Variants in ZBTB16 observed in about 807,000 individuals in gnomAD.
The protein encoded by ZBTB16 is zinc finger and BTB domain-containing protein 16.
In ZBTB16, 8 loss-of-function variants were observed where a neutral mutation model predicts 56.8. The observed-to-expected ratio is 0.14, with a 90% confidence interval of 0.08 to 0.25. The LOEUF (loss-of-function observed/expected upper bound fraction) is 0.25, where lower values mean the gene tolerates loss of function less well. ZBTB16 is among the 10% of genes least tolerant of loss of function. ZBTB16 has a pLI of 1.00. For synonymous variants in ZBTB16, 363 were observed against 368.5 expected (o/e 0.98, Z 0.17); for missense variants, 625 against 903.0 (o/e 0.69, Z 3.95).
At chr11:114,073,857 T>C (rs1296520112) in intron 2 of ZBTB16, among the ~76,000 whole-genome samples, 1 of 152,164 alleles carries the variant, frequency 6.6e-6, no homozygotes, top group African/African-American at 2.4e-5. Flanking sequence ...AGAAAAGACA[T>C]ATACACGCAC....
chr11:114,097,175 A>G (rs932780834), intron 2 of ZBTB16, among the ~76,000 whole-genome samples: 7 of 152,260 alleles, frequency 4.6e-5, no homozygotes, highest in Non-Finnish European at 8.8e-5. Flanking sequence ...AGGGCATTAT[A>G]CTAGGTGAAA....
intron 2 of ZBTB16, among the ~76,000 whole-genome samples, chr11:114,091,911 A>G (rs1940207112): frequency 6.6e-6 from 1 of 152,196 alleles, no homozygotes; most frequent in Non-Finnish European, 1.5e-5. Flanking sequence ...TTTGATGCTT[A>G]CGAGTCATTG....
chr11:114,080,917 G>A lies in ZBTB16; in HGVS notation c.1268+16349G>A, dbSNP rs188006255. On this transcript the variant is annotated intron_variant, in intron 2 of 6. Coordinates refer to ENST00000335953, the MANE Select transcript of ZBTB16 (RefSeq NM_006006.6). Reference sequence around the variant, plus strand: ...GGCACTCTCCACCTGCTTTGCAGGCGTGGGCTCTCAATGTGTCCAAGAATC... The same window carrying A: ...GGCACTCTCCACCTGCTTTGCAGGCATGGGCTCTCAATGTGTCCAAGAATC... Among the ~76,000 whole-genome samples, 5 of 152,310 alleles carry A rather than the reference G, an allele frequency of 3.3e-5. No homozygotes were observed. The South Asian group carries it at 8.3e-4, about 25-fold the overall frequency.
Position 114,256,035 on chromosome 11 carries a change from G to C in ZBTB16, c.*5480G>C, listed in dbSNP as rs2511235. Among the ~76,000 whole-genome samples, 1 of 140,380 alleles carries C rather than the reference G, an allele frequency of 7.1e-6. No homozygotes were observed. Among genetic ancestry groups the C allele is most frequent in the African/African-American group, 2.7e-5 (1 of 37,532 alleles). 92.1% of individuals were successfully genotyped at this position (140,380 alleles called of 152,430 possible). On this transcript the variant is annotated 3_prime_UTR_variant, in exon 7 of 7. Coordinates refer to ENST00000335953, the MANE Select transcript of ZBTB16 (RefSeq NM_006006.6). The stretch of plus-strand genomic sequence containing the variant: ...TGGTTTTGTTTTGTTTTTTTTTTTT[G>C]TTTTTTTTGCCTTTTCTTGTGTGGG...
intron 2 of ZBTB16, among the ~76,000 whole-genome samples, chr11:114,124,262 C>T (rs1033418357): frequency 3.3e-5 from 5 of 151,908 alleles, no homozygotes; most frequent in South Asian, 2.1e-4. Context: ...CTGTCACCTG[C>T]GCTTATGCCA....
At chr11:114,133,109 G>A (rs775542671) in intron 2 of ZBTB16, among the ~76,000 whole-genome samples, 6 of 151,822 alleles carry the variant, frequency 4.0e-5, no homozygotes, top group Non-Finnish European at 5.9e-5. Context: ...TCCAAATCTC[G>A]CCAAAATCAA....
intron 5 of ZBTB16, among the ~76,000 whole-genome samples, chr11:114,244,995 C>T (rs912738282): frequency 6.6e-6 from 1 of 152,190 alleles, no homozygotes; most frequent in Non-Finnish European, 1.5e-5. Context: ...TGATTAAAGT[C>T]GTAATCGTTG....
At chr11:114,225,035 C>A (rs764155843) in intron 4 of ZBTB16, among the ~76,000 whole-genome samples, 1 of 152,102 alleles carries the variant, frequency 6.6e-6, no homozygotes, top group Non-Finnish European at 1.5e-5. Flanking sequence ...GTTAGTTAGA[C>A]CGATCCAAGC....
chr11:114,067,684 G>A (rs1939168066), intron 2 of ZBTB16, among the ~76,000 whole-genome samples: 1 of 152,172 alleles, frequency 6.6e-6, no homozygotes, highest in Non-Finnish European at 1.5e-5. Flanking sequence ...TGGGATTATA[G>A]GTGTGTGCCA....
Position 114,134,919 on chromosome 11 carries a change from A to G in ZBTB16, c.1269-21418A>G, listed in dbSNP as rs554169273. On this transcript the variant is annotated intron_variant, in intron 2 of 6. Transcript: ENST00000335953. ...TTAATTCCAAAGCTAAGATTTAGCA[A>G]TTCCCTGGTTCTGGGATTATTTGGC... Among the ~76,000 whole-genome samples the G allele has an allele frequency of 1.4e-4, 21 of 152,348 alleles. No individual in the cohort carries two copies. In the South Asian group the frequency reaches 3.9e-3, roughly 29 times the overall value.
chr11:114,209,325 T>C (rs1943951193), intron 4 of ZBTB16: 1 of 951,680 alleles, frequency 1.1e-6, no homozygotes, highest in East Asian at 1.2e-4. Context: ...CATGTGTATG[T>C]AGGCTGTTAC....
chr11:114,150,945 C>T (rs1942264435), intron 2 of ZBTB16, among the ~76,000 whole-genome samples: 1 of 152,152 alleles, frequency 6.6e-6, no homozygotes, highest in Admixed American at 6.5e-5. Context: ...TCGACAGGAC[C>T]AGGAAGTTTG....
At chr11:114,238,813 G>C (rs552006549) in intron 4 of ZBTB16, among the ~76,000 whole-genome samples, 6 of 152,206 alleles carry the variant, frequency 3.9e-5, no homozygotes, top group African/African-American at 1.4e-4. Flanking sequence ...ATTTGCCAGT[G>C]GTGTCTCTCT....
chr11:114,224,484 G>T (rs1028048719), intron 4 of ZBTB16, among the ~76,000 whole-genome samples: 4 of 152,174 alleles, frequency 2.6e-5, no homozygotes, highest in Non-Finnish European at 5.9e-5. Context: ...TCCAAAGGTA[G>T]GGTGTGCCTA....
At chr11:114,233,077 GCGCGCACACACA>G (rs746473811) in intron 4 of ZBTB16, among the ~76,000 whole-genome samples, 24 of 35,750 alleles carry the variant, frequency 6.7e-4, no homozygotes, top group Non-Finnish European at 1.2e-3. Flanking sequence ...GCGCGCGCGC[GCGCGCACACACA>G]CACACACACA....
At chr11:114,183,766 G>T (rs1203110150) in intron 3 of ZBTB16, among the ~76,000 whole-genome samples, 3 of 152,236 alleles carry the variant, frequency 2.0e-5, no homozygotes, top group Non-Finnish European at 4.4e-5. Flanking sequence ...ACTTCATCCA[G>T]CCGCAGCTTT....
At chr11:114,100,586 T>C (rs1258851322) in intron 2 of ZBTB16, among the ~76,000 whole-genome samples, 2 of 152,130 alleles carry the variant, frequency 1.3e-5, no homozygotes, top group East Asian at 1.9e-4. Context: ...TTTGAGCAAG[T>C]ATTTTATCCT....
chr11:114,179,606 C>T (rs1943198387), intron 3 of ZBTB16, among the ~76,000 whole-genome samples: 1 of 152,124 alleles, frequency 6.6e-6, no homozygotes, highest in Non-Finnish European at 1.5e-5. Context: ...AAAGGACACA[C>T]CACTCAACAT....
intron 2 of ZBTB16, among the ~76,000 whole-genome samples, chr11:114,107,417 A>T (rs1422273770): frequency 6.6e-6 from 1 of 152,172 alleles, no homozygotes; most frequent in African/African-American, 2.4e-5. Flanking sequence ...CGTCCTCCCC[A>T]GTGATGAAAT....
Sources: gnomAD v4.1 joint callset for allele counts (sites outside exome capture counted in the v4.1 genomes callset) on GRCh38, gnomAD v4.1.1 for gene constraint, MANE v1.5 for transcripts, NCBI Gene and HGNC (gene_info 2026-07-23, HGNC 2026-07-21) for gene names.